Variants in PSMC3IP observed in about 807,000 individuals in gnomAD.
PSMC3IP encodes homologous-pairing protein 2 homolog.
PSMC3IP carries 26 observed loss-of-function variants against 34.9 expected under a neutral mutation model. That is an observed-to-expected ratio of 0.74 (90% CI 0.55 to 1.03). The LOEUF (loss-of-function observed/expected upper bound fraction) is 1.03, where lower values mean the gene tolerates loss of function less well. PSMC3IP is among the 50% of genes least tolerant of loss of function. The pLI is 0.00. For missense variants in PSMC3IP, 250 were observed against 263.1 expected (o/e 0.95, Z 0.34); for synonymous variants, 87 against 96.5 (o/e 0.90, Z 0.57).
chr17:42,575,540 G>A (rs549189231), intron 3 of PSMC3IP, among the ~76,000 whole-genome samples: 2 of 152,322 alleles, frequency 1.3e-5, no homozygotes, highest in Non-Finnish European at 2.9e-5. Context: ...CCTGTTTTAG[G>A]AAAGTCAGCC....
At position 42,574,169 on chromosome 17, in the gene PSMC3IP, TAGGACTTGA is replaced by T. The variant is rs1316451521; in HGVS notation, c.258_266del (p.Gln87_Leu89del). 6.2e-7 allele frequency: 1 copy of T among 1,614,064 alleles called. No homozygotes were observed. The highest frequency in any genetic ancestry group is 1.1e-5 in the South Asian group (1 of 91,096). ...CAGTGAGGGCCACGATTTTGCCATCTAGGACTTGAAGGTCAGCATCACTCACCATGTCAA... is the reference window on the plus strand; with the variant it reads ...CAGTGAGGGCCACGATTTTGCCATCTAGGTCAGCATCACTCACCATGTCAA... On this transcript the variant is annotated inframe_deletion, in exon 4 of 8. Coordinates refer to ENST00000393795, the MANE Select transcript of PSMC3IP (RefSeq NM_016556.4).
intron 3 of PSMC3IP, chr17:42,574,435 C>T: frequency 4.1e-6 from 5 of 1,222,708 alleles, no homozygotes; most frequent in South Asian, 1.6e-5. Context: ...AATGCTTGTC[C>T]TTAAGCTACT....
At chr17:42,577,755 G>T, upstream of PSMC3IP, 1 of 1,590,038 alleles carries the variant, frequency 6.3e-7, no homozygotes, top group Non-Finnish European at 8.6e-7. Context: ...TCCTTCCGGC[G>T]ACGGGGGCGG....
At chr17:42,573,778 TTCC>T in intron 4 of PSMC3IP, 155 bp from the exon 5 acceptor site, 17 of 1,501,616 alleles carry the variant, frequency 1.1e-5, no homozygotes, top group Non-Finnish European at 1.5e-5. Flanking sequence ...CTAATTTTCT[TTCC>T]TCCTCCATCT....
rs142919497 is a variant in PSMC3IP at position 42,577,673 on chromosome 17, C to G, written c.14G>C (p.Arg5Pro). 2.0e-5 allele frequency: 33 copies of G among 1,614,048 alleles called. No individual in the cohort carries two copies. The highest frequency in any genetic ancestry group is 3.3e-5 in the Admixed American group (2 of 60,008). MSKG[R>P]AEAAAGAAGI... is the part of the protein sequence containing the mutation. ...GTTACCTCCCGCCGCAGCTTCTGCC[C>G]GGCCTTTACTCATCGCCTTTCCCGC... The change falls in exon 1 of 8, where the codon CGG (arginine) becomes CCG (proline). Residue 5 changes from arginine to proline, a missense_variant. By Grantham distance (103) the Arg-to-Pro change is moderately radical. Coordinates refer to ENST00000393795, the MANE Select transcript of PSMC3IP (RefSeq NM_016556.4).
chr17:42,576,959 G>A (rs1467016757), intron 3 of PSMC3IP: 3 of 737,958 alleles, frequency 4.1e-6, no homozygotes, highest in African/African-American at 1.8e-5. Flanking sequence ...AGATGATAAG[G>A]AATAAGAGCT....
intron 3 of PSMC3IP, 189 bp from the exon 4 acceptor site, chr17:42,574,399 AAGGT>A (rs1204706229): frequency 2.1e-5 from 29 of 1,371,970 alleles, no homozygotes; most frequent in East Asian, 2.8e-5. Flanking sequence ...CCCCACTAAA[AAGGT>A]AGGAAAGAAA....
chr17:42,576,533 T>G, intron 3 of PSMC3IP: 1 of 154,996 alleles, frequency 6.5e-6, no homozygotes, highest in Non-Finnish European at 1.4e-5. Context: ...GGCTCTGTGG[T>G]TCACGCCTGT....
chr17:42,577,482 C>T lies in PSMC3IP; in HGVS notation c.114G>A (p.Arg38=), dbSNP rs745552744. The T allele has an allele frequency of 1.2e-6, 2 of 1,614,136 alleles. No homozygotes were observed. The highest frequency in any genetic ancestry group is 2.2e-5 in the South Asian group (2 of 91,080). Residue 38 remains arginine, a synonymous_variant, in exon 2 of 8, where the codon CGG becomes CGA. Transcript: ENST00000393795. The part of the protein sequence containing the change: ...SSQDVFGNLQ[R]EHGLGKAVVV... Reference sequence around the variant, plus strand: ...TCACCGCCTTGCCCAGTCCGTGTTCCCGCTGTAGGTTCCCGAACACATCCT... The same window carrying T: ...TCACCGCCTTGCCCAGTCCGTGTTCTCGCTGTAGGTTCCCGAACACATCCT...
In PSMC3IP at chr17:42,572,579, C is replaced by CTAGT; in HGVS notation, c.*388_*389insACTA. 2.2e-6 allele frequency: 1 copy of CTAGT among 453,798 alleles called. No individual in the cohort carries two copies. The highest frequency in any genetic ancestry group is 4.4e-6 in the Non-Finnish European group (1 of 226,456). 28.1% of individuals were successfully genotyped at this position (453,798 alleles called of 1,614,324 possible). ...CCAAATGCTCGTTTTATAGCAACCT[C>CTAGT]TCTCTACCCTAGTTCTCCAAATTCA... On this transcript the variant is annotated 3_prime_UTR_variant, in exon 8 of 8. Transcript: ENST00000393795.
At chr17:42,574,372 TTTCAG>T in intron 3 of PSMC3IP, 162 bp from the exon 4 acceptor site, 16 of 1,469,738 alleles carry the variant, frequency 1.1e-5, no homozygotes, top group Non-Finnish European at 1.4e-5. Flanking sequence ...GAGAAATTGT[TTTCAG>T]TTAAGGAGCG....
intron 3 of PSMC3IP, among the ~76,000 whole-genome samples, chr17:42,575,679 G>C (rs139608859): frequency 3.2e-4 from 48 of 152,170 alleles, no homozygotes; most frequent in Middle Eastern, 3.4e-3. Flanking sequence ...GAATAAAGGA[G>C]ACAAGTAAAA....
At chr17:42,573,776 C>A in intron 4 of PSMC3IP, 153 bp from the exon 5 acceptor site, 1 of 1,500,050 alleles carries the variant, frequency 6.7e-7, no homozygotes, top group East Asian at 2.4e-5. Flanking sequence ...TTCTAATTTT[C>A]TTTCCTCCTC....
chr17:42,573,049 T>A (rs1277249916), intron 7 of PSMC3IP, 25 bp from the exon 8 acceptor site: 1 of 1,613,914 alleles, frequency 6.2e-7, no homozygotes, highest in Non-Finnish European at 8.5e-7. Context: ...GACAAGTGAA[T>A]GAGATGTCAC....
rs1471473500 is a variant in PSMC3IP, at chr17:42,577,688, G to A, written c.-2C>T. ...AGCTTCTGCCCGGCCTTTACTCATC[G>A]CCTTTCCCGCCACCCAACTCAGAAA... On this transcript the variant is annotated 5_prime_UTR_variant, in exon 1 of 8. Coordinates refer to ENST00000393795, the MANE Select transcript of PSMC3IP (RefSeq NM_016556.4). The A allele has an allele frequency of 2.5e-6, 4 of 1,614,028 alleles. No individual in the cohort carries two copies. Among genetic ancestry groups the A allele is most frequent in the Non-Finnish European group, 3.4e-6 (4 of 1,179,936 alleles).
intron 3 of PSMC3IP, among the ~76,000 whole-genome samples, chr17:42,575,876 T>C (rs1415914471): frequency 6.8e-6 from 1 of 147,778 alleles, no homozygotes; most frequent in East Asian, 2.0e-4. Context: ...AAAAAAAAAT[T>C]AGGCTTCGTG....
rs745807796 is a variant in PSMC3IP, at chr17:42,574,032, T to C, written c.337+67A>G. On this transcript the variant is annotated intron_variant, in intron 4 of 7. Transcript: ENST00000393795. ...TGCTGCAGTCATTGAACCATTCATT[T>C]AGTAATTCCTGACCTCTAGAATGAA... 3.1e-6 allele frequency: 5 copies of C among 1,596,812 alleles called. No homozygotes were observed. In the Admixed American group the frequency reaches 8.8e-5, roughly 28 times the overall value.
chr17:42,576,977 G>A (rs979530017), intron 3 of PSMC3IP: 16 of 944,314 alleles, frequency 1.7e-5, no homozygotes, highest in African/African-American at 5.0e-5. Context: ...GCTTTGGAGC[G>A]GAAATGGATC....
intron 3 of PSMC3IP, chr17:42,576,810 T>C (rs1368455603): frequency 2.2e-5 from 7 of 318,216 alleles, no homozygotes; most frequent in African/African-American, 1.5e-4. Context: ...CATTCTACTG[T>C]GGCAATTTTG....
Sources: allele counts gnomAD v4.1 joint callset (sites outside exome capture counted in the v4.1 genomes callset), GRCh38; gene constraint gnomAD v4.1.1; transcripts MANE v1.5; gene names NCBI Gene and HGNC (gene_info 2026-07-23, HGNC 2026-07-21).